The following NOL4 variants were observed in gnomAD, a reference collection of about 807,000 sequenced individuals.
NOL4 encodes cancer/testis antigen 125.
A neutral mutation model predicts 75.9 loss-of-function variants in NOL4; 17 were observed. The ratio of observed to expected loss-of-function variants is 0.22; its 90% CI spans 0.15 to 0.34. The LOEUF is 0.34. NOL4 is among the 10% of genes least tolerant of loss of function. NOL4 has a pLI of 1.00. For synonymous variants in NOL4, 292 were observed against 289.9 expected (o/e 1.01, Z -0.07); for missense variants, 614 against 793.5 (o/e 0.77, Z 2.72).
intron 1 of NOL4, chr18:34,222,190 G>A (rs755638047): frequency 9.6e-6 from 14 of 1,465,606 alleles, no homozygotes; most frequent in Non-Finnish European, 1.3e-5. Context: ...GCCTCGCGGC[G>A]CCTGGGCTAG....
intron 6 of NOL4, among the ~76,000 whole-genome samples, chr18:33,964,646 G>T (rs2070434170): frequency 6.6e-6 from 1 of 152,148 alleles, no homozygotes; most frequent in Non-Finnish European, 1.5e-5. Flanking sequence ...AAACCTCCTA[G>T]AAATGCAAAG....
chr18:34,211,192 C>G (rs1055043592), intron 1 of NOL4, among the ~76,000 whole-genome samples: 1 of 152,034 alleles, frequency 6.6e-6, no homozygotes, highest in Non-Finnish European at 1.5e-5. Flanking sequence ...TCATCTTACC[C>G]CTGTTCAAAT....
chr18:33,911,704 T>A (rs912109955), intron 9 of NOL4, among the ~76,000 whole-genome samples: 1 of 152,162 alleles, frequency 6.6e-6, no homozygotes, highest in Non-Finnish European at 1.5e-5. Flanking sequence ...GGACTATAAT[T>A]TCCCCCCTCT....
intron 2 of NOL4, among the ~76,000 whole-genome samples, chr18:34,119,657 T>TGTCGCCCACGCTGGA (rs1380673847): frequency 6.6e-6 from 1 of 152,190 alleles, no homozygotes; most frequent in Non-Finnish European, 1.5e-5. Flanking sequence ...AGTCTCGCTC[T>TGTCGCCCACGCTGGA]GTCGCCCACG....
chr18:33,906,946 G>T (rs867628405), intron 9 of NOL4, among the ~76,000 whole-genome samples: 1 of 152,084 alleles, frequency 6.6e-6, no homozygotes, highest in South Asian at 2.1e-4. Context: ...TGCAATAACA[G>T]CAAATAGTAA....
chr18:34,194,763 G>A (rs559836390), intron 1 of NOL4, among the ~76,000 whole-genome samples: 3 of 152,178 alleles, frequency 2.0e-5, no homozygotes, highest in South Asian at 4.1e-4. Context: ...GGTGGCTCAC[G>A]CATGTAATCC....
At chr18:33,959,195 T>C (rs879616109) in intron 6 of NOL4, among the ~76,000 whole-genome samples, 1 of 152,102 alleles carries the variant, frequency 6.6e-6, no homozygotes, top group Non-Finnish European at 1.5e-5. Context: ...ATCTGAAAAA[T>C]TGAAAATGTT....
intron 10 of NOL4, among the ~76,000 whole-genome samples, chr18:33,881,908 A>G (rs1599728465): frequency 6.6e-6 from 1 of 152,146 alleles, no homozygotes; most frequent in East Asian, 1.9e-4. Context: ...CCGCATATCT[A>G]CAACTATCTG....
rs1450553979 is a variant in NOL4 at position 33,963,057 on chromosome 18, G to A, written c.1057-4639C>T. Among the ~76,000 whole-genome samples the A allele has an allele frequency of 3.9e-5, 6 of 152,132 alleles. No homozygotes were observed. The East Asian group carries it at 9.7e-4, about 25-fold the overall frequency. On this transcript the variant is annotated intron_variant, in intron 6 of 10. Coordinates refer to ENST00000261592, the MANE Select transcript of NOL4 (RefSeq NM_003787.5). ...CATTTCTTGCCTCTCTTACCATTTA[G>A]GACCTATCATTTAAGGCCGAATTAA... is the stretch of plus-strand genomic sequence containing the variant.
intron 5 of NOL4, among the ~76,000 whole-genome samples, chr18:34,050,962 C>T (rs2076601347): frequency 6.6e-6 from 1 of 152,020 alleles, no homozygotes; most frequent in South Asian, 2.1e-4. Flanking sequence ...TGGCTAGACA[C>T]TGAACACAGA....
intron 5 of NOL4, among the ~76,000 whole-genome samples, chr18:34,074,070 A>G (rs1051036068): frequency 2.6e-5 from 4 of 151,920 alleles, no homozygotes; most frequent in African/African-American, 2.4e-5. Flanking sequence ...GGAAACAGCT[A>G]AAATATTTGA....
chr18:33,999,721 G>A (rs1451675481), intron 6 of NOL4, among the ~76,000 whole-genome samples: 4 of 151,994 alleles, frequency 2.6e-5, no homozygotes, highest in Admixed American at 6.6e-5. Flanking sequence ...GTGCAATCTC[G>A]GCTCACTGCA....
chr18:34,222,316 T>C lies in NOL4; in HGVS notation c.264+674A>G, dbSNP rs548505037. On this transcript the variant is annotated intron_variant, in intron 1 of 10. Coordinates refer to ENST00000261592, the MANE Select transcript of NOL4 (RefSeq NM_003787.5). The stretch of plus-strand genomic sequence containing the variant: ...TTCATCTTCTAGCTGCGGCTTTATT[T>C]GTGGAAGAGGGAAGTGAGGAAGGGA... 4.7e-6 allele frequency: 6 copies of C among 1,268,512 alleles called. No individual in the cohort carries two copies. The East Asian group carries it at 2.2e-4, about 47-fold the overall frequency. The allele number at this position is 1,268,512 out of a possible 1,614,324, so 78.6% of individuals were successfully genotyped here.
At chr18:34,096,909 T>C (rs1271443697) in intron 4 of NOL4, among the ~76,000 whole-genome samples, 1 of 152,158 alleles carries the variant, frequency 6.6e-6, no homozygotes, top group Non-Finnish European at 1.5e-5. Flanking sequence ...ACCCCTAATC[T>C]GCTCCATATT....
chr18:34,052,409 A>G (rs1011767179), intron 5 of NOL4, among the ~76,000 whole-genome samples: 8 of 152,118 alleles, frequency 5.3e-5, no homozygotes, highest in African/African-American at 1.7e-4. Flanking sequence ...AATAAATTCC[A>G]GATGGCTTAA....
At chr18:33,978,502 T>G (rs2145951293) in intron 6 of NOL4, among the ~76,000 whole-genome samples, 1 of 152,240 alleles carries the variant, frequency 6.6e-6, no homozygotes, top group East Asian at 1.9e-4. Flanking sequence ...TAAGCTTCCT[T>G]GAGAACTTAT....
chr18:33,865,628 A>G (rs1280535555), intron 10 of NOL4, among the ~76,000 whole-genome samples: 1 of 152,166 alleles, frequency 6.6e-6, no homozygotes, highest in Non-Finnish European at 1.5e-5. Flanking sequence ...GGTGGATAAC[A>G]ACAGGACCAA....
intron 1 of NOL4, among the ~76,000 whole-genome samples, chr18:34,169,568 C>A (rs147942375): frequency 6.6e-6 from 1 of 151,324 alleles, no homozygotes; most frequent in East Asian, 1.9e-4. Flanking sequence ...GATTAAAAGG[C>A]AAGCTCCAAA....
intron 6 of NOL4, among the ~76,000 whole-genome samples, chr18:33,985,593 T>C (rs1323214171): frequency 1.3e-5 from 2 of 152,116 alleles, no homozygotes; most frequent in East Asian, 1.9e-4. Context: ...GTTTTTCCTC[T>C]AGGCTAATAA....
Sources: gnomAD v4.1 joint callset for allele counts (sites outside exome capture counted in the v4.1 genomes callset) on GRCh38, gnomAD v4.1.1 for gene constraint, MANE v1.5 for transcripts, NCBI Gene and HGNC (gene_info 2026-07-23, HGNC 2026-07-21) for gene names.